Variants in ESRRG observed in about 807,000 individuals in gnomAD.
ESRRG encodes the protein estrogen related receptor gamma, also known as estrogen-related receptor gamma.
ESRRG carries 13 observed loss-of-function variants against 44.0 expected under a neutral mutation model. The observed-to-expected ratio is 0.30, with a 90% CI of 0.19 to 0.47. ESRRG has a LOEUF of 0.47. ESRRG is among the 20% of genes least tolerant of loss of function. ESRRG has a pLI of 1.00. For synonymous variants in ESRRG, 215 were observed against 214.6 expected (o/e 1.00, Z -0.02); for missense variants, 395 against 580.6 (o/e 0.68, Z 3.29).
chr1:216,773,626 C>T (rs563186391), intron 2 of ESRRG, among the ~76,000 whole-genome samples: 1 of 152,188 alleles, frequency 6.6e-6, no homozygotes, highest in South Asian at 2.1e-4. Context: ...ATTTACAAAT[C>T]CCCAACACAT....
intron 3 of ESRRG, among the ~76,000 whole-genome samples, chr1:216,585,854 C>T (rs1357536427): frequency 6.6e-6 from 1 of 152,206 alleles, no homozygotes; most frequent in Admixed American, 6.5e-5. Context: ...TCCTGGCTAA[C>T]ATGGTGAAAC....
intron 2 of ESRRG, among the ~76,000 whole-genome samples, chr1:216,777,009 A>G (rs1429625548): frequency 6.6e-6 from 1 of 152,076 alleles, no homozygotes; most frequent in African/African-American, 2.4e-5. Context: ...TCTTCTCTTA[A>G]CCTTTTGAAG....
In ESRRG at chr1:216,506,262, C is replaced by T. The variant is rs752594359; in HGVS notation, c.*677G>A. 8 of 189,014 alleles carry T rather than the reference C, an allele frequency of 4.2e-5. No homozygotes were observed. Among genetic ancestry groups the T allele is most frequent in the East Asian group, 1.4e-4 (1 of 7,232 alleles). The allele number at this position is 189,014 out of a possible 1,614,324, so 11.7% of individuals were successfully genotyped here. Reference sequence around the variant, plus strand: ...ATATGTTGCACTGTACTTTTAGGAACGTTGGTTCTCTCTCTTTGATTCCTT... The same window carrying T: ...ATATGTTGCACTGTACTTTTAGGAATGTTGGTTCTCTCTCTTTGATTCCTT... On this transcript the variant is annotated 3_prime_UTR_variant, in exon 7 of 7. Coordinates refer to ENST00000408911, the MANE Select transcript of ESRRG (RefSeq NM_001438.4).
intron 2 of ESRRG, among the ~76,000 whole-genome samples, chr1:216,899,817 A>G (rs2058853300): frequency 6.6e-6 from 1 of 152,198 alleles, no homozygotes; most frequent in African/African-American, 2.4e-5. Flanking sequence ...CAGAAGCAGC[A>G]GAAGCCAATC....
intron 2 of ESRRG, among the ~76,000 whole-genome samples, chr1:216,780,979 C>T (rs552121355): frequency 5.6e-4 from 85 of 152,056 alleles, no homozygotes; most frequent in Admixed American, 1.9e-3. Flanking sequence ...GCGCTAAATT[C>T]AACTAGTATA....
At chr1:217,132,848 A>C (rs992622221) in intron 1 of ESRRG, among the ~76,000 whole-genome samples, 1 of 152,038 alleles carries the variant, frequency 6.6e-6, no homozygotes, top group African/African-American at 2.4e-5. Context: ...TTGCTTGAAA[A>C]CGAGCTAATT....
At chr1:216,889,147 A>G (rs1475594494) in intron 2 of ESRRG, among the ~76,000 whole-genome samples, 1 of 152,162 alleles carries the variant, frequency 6.6e-6, no homozygotes, top group Non-Finnish European at 1.5e-5. Context: ...TTCCCTGCGA[A>G]TGTAATAAGC....
chr1:216,816,941 C>A lies in ESRRG; in HGVS notation c.-14+122641G>T, dbSNP rs201513150. ...AAACATTCCTTAAACTTTCAGTAAC[C>A]AGATATTCTCATTAGAAAACACTGA... is the stretch of plus-strand genomic sequence containing the variant. On this transcript the variant is annotated intron_variant, in intron 2 of 7. Coordinates refer to the ESRRG transcript ENST00000359162. 5.3e-5 allele frequency among the ~76,000 whole-genome samples: 8 copies of A among 152,134 alleles called. No individual in the cohort carries two copies. The East Asian group carries it at 1.5e-3, about 29-fold the overall frequency.
chr1:216,571,642 C>T (rs1358203952), intron 3 of ESRRG, among the ~76,000 whole-genome samples: 1 of 144,770 alleles, frequency 6.9e-6, no homozygotes, highest in Admixed American at 6.8e-5. Flanking sequence ...AGATCAATAA[C>T]TATCTATGCA....
chr1:216,977,922 C>T (rs1050773285), intron 1 of ESRRG, among the ~76,000 whole-genome samples: 21 of 152,128 alleles, frequency 1.4e-4, no homozygotes, highest in Non-Finnish European at 2.5e-4. Flanking sequence ...CCAATTTCCC[C>T]TTGCTTGCAC....
intron 5 of ESRRG, among the ~76,000 whole-genome samples, chr1:216,560,495 A>G (rs1159432609): frequency 6.6e-6 from 1 of 152,212 alleles, no homozygotes; most frequent in Non-Finnish European, 1.5e-5. Context: ...TATATAGGTC[A>G]GCTAACATGG....
chr1:217,044,659 GA>G (rs1332120212), intron 1 of ESRRG, among the ~76,000 whole-genome samples: 2 of 152,114 alleles, frequency 1.3e-5, no homozygotes, highest in Non-Finnish European at 2.9e-5. Context: ...CATAAAGTCT[GA>G]GTCCATTTTC....
intron 2 of ESRRG, among the ~76,000 whole-genome samples, chr1:216,768,480 A>ATCTG (rs1553593175): frequency 4.7e-4 from 71 of 150,282 alleles, no homozygotes; most frequent in South Asian, 4.3e-3. Context: ...CTATCTATCT[A>ATCTG]TCTATCTATC....
intron 2 of ESRRG, among the ~76,000 whole-genome samples, chr1:216,903,205 G>T (rs1292333621): frequency 6.6e-6 from 1 of 152,140 alleles, no homozygotes; most frequent in Non-Finnish European, 1.5e-5. Flanking sequence ...GACTGCCAGT[G>T]CTACATAATG....
intron 1 of ESRRG, among the ~76,000 whole-genome samples, chr1:217,024,133 C>T (rs12134950): frequency 0.24 from 35,910 of 151,930 alleles, 4,620 homozygotes; most frequent in Middle Eastern, 0.4. Flanking sequence ...CCCAGGTGGG[C>T]GGATCACGAG....
At chr1:216,989,345 A>G (rs73099455) in intron 1 of ESRRG, among the ~76,000 whole-genome samples, 1 of 148,988 alleles carries the variant, frequency 6.7e-6, no homozygotes, top group East Asian at 2.1e-4. Context: ...CCAGCTACTC[A>G]GGAGGCTGAA....
At chr1:217,093,733 T>A (rs1443607773), upstream of ESRRG, among the ~76,000 whole-genome samples, 1 of 151,354 alleles carries the variant, frequency 6.6e-6, no homozygotes, top group Non-Finnish European at 1.5e-5. Context: ...CAGTAAGCGG[T>A]GATCGCACCA....
intron 2 of ESRRG, among the ~76,000 whole-genome samples, chr1:216,874,637 GATTAAT>G (rs1272610603): frequency 6.6e-6 from 1 of 152,120 alleles, no homozygotes; most frequent in Non-Finnish European, 1.5e-5. Flanking sequence ...ACTCTGTGAT[GATTAAT>G]ATTGAGTGCC....
intron 2 of ESRRG, among the ~76,000 whole-genome samples, chr1:216,823,445 T>C (rs1032720176): frequency 6.6e-6 from 1 of 152,190 alleles, no homozygotes; most frequent in African/African-American, 2.4e-5. Flanking sequence ...CTGTGTTTCT[T>C]TGGAGATTGG....
Sources: allele counts gnomAD v4.1 joint callset (sites outside exome capture counted in the v4.1 genomes callset), GRCh38; gene constraint gnomAD v4.1.1; transcripts MANE v1.5; gene names NCBI Gene and HGNC (gene_info 2026-07-23, HGNC 2026-07-21).